The following MAGI1 variants were observed in gnomAD, a reference collection of about 807,000 sequenced individuals.
The protein encoded by MAGI1 is membrane associated guanylate kinase, WW and PDZ domain containing 1, also known as membrane-associated guanylate kinase, WW and PDZ domain-containing protein 1.
MAGI1 carries 58 observed loss-of-function variants against 139.9 expected under a neutral mutation model. The observed-to-expected ratio is 0.41, with a 90% confidence interval of 0.34 to 0.52. The LOEUF is 0.52. MAGI1 is among the 20% of genes least tolerant of loss of function. The pLI, the probability that MAGI1 is intolerant of heterozygous loss-of-function variation, is 0.12. For missense variants in MAGI1, 1,874 were observed against 1,901.6 expected (o/e 0.99, Z 0.27); for synonymous variants, 812 against 737.9 (o/e 1.10, Z -1.63).
chr3:65,761,945 G>A (rs1177984423), intron 1 of MAGI1, among the ~76,000 whole-genome samples: 1 of 152,114 alleles, frequency 6.6e-6, no homozygotes, highest in Non-Finnish European at 1.5e-5. Flanking sequence ...GTTCTTAAAT[G>A]GGCTTAAATA....
intron 1 of MAGI1, among the ~76,000 whole-genome samples, chr3:65,965,069 C>A (rs974841517): frequency 2.6e-5 from 4 of 152,222 alleles, no homozygotes; most frequent in Non-Finnish European, 4.4e-5. Flanking sequence ...CCAGAATCTA[C>A]TGCATATATT....
chr3:65,521,403 G>C (rs558771177), intron 2 of MAGI1, among the ~76,000 whole-genome samples: 121 of 152,258 alleles, frequency 7.9e-4, no homozygotes, highest in African/African-American at 2.3e-3. Context: ...AAGAAATGCT[G>C]CTTTAAAAAT....
intron 1 of MAGI1, among the ~76,000 whole-genome samples, chr3:65,889,573 T>C (rs1188561887): frequency 6.6e-6 from 1 of 152,130 alleles, no homozygotes; most frequent in East Asian, 1.9e-4. Context: ...AGGGGAGAAA[T>C]ACTCGCCTAA....
intron 1 of MAGI1, among the ~76,000 whole-genome samples, chr3:65,761,167 C>T (rs1372686279): frequency 6.6e-6 from 1 of 152,144 alleles, no homozygotes; most frequent in East Asian, 1.9e-4. Flanking sequence ...CAGGCACATT[C>T]AATTTCCAGA....
intron 13 of MAGI1, among the ~76,000 whole-genome samples, chr3:65,398,473 T>A (rs1334921332): frequency 6.6e-6 from 1 of 152,156 alleles, no homozygotes; most frequent in African/African-American, 2.4e-5. Flanking sequence ...GCACTCAGCC[T>A]TGATGACAAA....
chr3:65,508,718 A>C (rs2077410472), intron 2 of MAGI1, among the ~76,000 whole-genome samples: 1 of 152,246 alleles, frequency 6.6e-6, no homozygotes, highest in African/African-American at 2.4e-5. Flanking sequence ...GATAATTTTC[A>C]TTAAAAGGAA....
intron 1 of MAGI1, among the ~76,000 whole-genome samples, chr3:65,961,251 G>T (rs2064410471): frequency 6.6e-6 from 1 of 152,170 alleles, no homozygotes; most frequent in African/African-American, 2.4e-5. Context: ...TCCAGTCGAA[G>T]AATTAGTCAA....
chr3:65,600,059 A>C (rs1171206796), intron 2 of MAGI1, among the ~76,000 whole-genome samples: 19 of 152,254 alleles, frequency 1.2e-4, no homozygotes, highest in Non-Finnish European at 1.5e-5. Context: ...TATTTTTAAA[A>C]ATGGAAAAAG....
intron 1 of MAGI1, among the ~76,000 whole-genome samples, chr3:65,829,259 C>T (rs893483467): frequency 6.6e-6 from 1 of 152,128 alleles, no homozygotes; most frequent in African/African-American, 2.4e-5. Context: ...CCTTCTTAGC[C>T]TCTTGGTCTT....
At chr3:65,922,791 A>G (rs998471844) in intron 1 of MAGI1, among the ~76,000 whole-genome samples, 20 of 152,336 alleles carry the variant, frequency 1.3e-4, no homozygotes, top group African/African-American at 4.6e-4. Flanking sequence ...AGAGACAGTA[A>G]TAAGAACCAG....
chr3:65,722,730 G>C (rs948786486), intron 1 of MAGI1, among the ~76,000 whole-genome samples: 14 of 150,110 alleles, frequency 9.3e-5, no homozygotes, highest in African/African-American at 3.5e-4. Context: ...TAAAATATTA[G>C]TGTGACATGA....
chr3:65,903,516 A>T (rs2061321863), intron 1 of MAGI1, among the ~76,000 whole-genome samples: 1 of 152,186 alleles, frequency 6.6e-6, no homozygotes, highest in African/African-American at 2.4e-5. Context: ...AAATGTTCTT[A>T]TCAAATGTAA....
At chr3:65,605,332 T>C (rs776762973) in intron 2 of MAGI1, among the ~76,000 whole-genome samples, 4 of 152,194 alleles carry the variant, frequency 2.6e-5, no homozygotes, top group Non-Finnish European at 4.4e-5. Flanking sequence ...TGTGCATCTT[T>C]GAAAAATTTC....
At chr3:65,764,222 C>G (rs954551498) in intron 1 of MAGI1, among the ~76,000 whole-genome samples, 1 of 152,000 alleles carries the variant, frequency 6.6e-6, no homozygotes, top group Non-Finnish European at 1.5e-5. Flanking sequence ...CACACCCACC[C>G]ACCCACCATA....
At chr3:65,950,067 C>CAAAAAAAAAAAAAAA (rs61696952) in intron 1 of MAGI1, among the ~76,000 whole-genome samples, 7 of 76,716 alleles carry the variant, frequency 9.1e-5, no homozygotes, top group South Asian at 5.6e-4. Flanking sequence ...AACAAAAAAA[C>CAAAAAAAAAAAAAAA]AAAAAAAAAA....
chr3:65,463,668 TTTCTA>T (rs1949976820), intron 5 of MAGI1, among the ~76,000 whole-genome samples: 2 of 151,932 alleles, frequency 1.3e-5, no homozygotes, highest in Non-Finnish European at 2.9e-5. Context: ...AGACCCTCTT[TTTCTA>T]TTGCTTGGAA....
intron 13 of MAGI1, among the ~76,000 whole-genome samples, chr3:65,396,466 T>C (rs1944403348): frequency 6.6e-6 from 1 of 152,186 alleles, no homozygotes; most frequent in Admixed American, 6.5e-5. Flanking sequence ...CCAGGGAAAT[T>C]GGGAAGACAT....
intron 1 of MAGI1, among the ~76,000 whole-genome samples, chr3:65,650,752 G>A (rs560194432): frequency 2.6e-5 from 4 of 152,312 alleles, no homozygotes; most frequent in African/African-American, 9.6e-5. Flanking sequence ...CAGATTTTCA[G>A]GTCCTGATCC....
chr3:65,981,842 T>C (rs919181440), intron 1 of MAGI1, among the ~76,000 whole-genome samples: 1 of 152,218 alleles, frequency 6.6e-6, no homozygotes, highest in African/African-American at 2.4e-5. Context: ...CCCAGCCATG[T>C]GGAACTGTGA....
Sources: allele counts gnomAD v4.1 joint callset (sites outside exome capture counted in the v4.1 genomes callset), GRCh38; gene constraint gnomAD v4.1.1; transcripts MANE v1.5; gene names NCBI Gene and HGNC (gene_info 2026-07-23, HGNC 2026-07-21).